NPAS2: variants seen among roughly 807,000 people sequenced by gnomAD.
NPAS2 encodes neuronal PAS domain protein 2.
A neutral mutation model predicts 107.5 loss-of-function variants in NPAS2; 23 were observed. That is an observed-to-expected ratio of 0.21 (90% CI 0.15 to 0.30). The LOEUF (loss-of-function observed/expected upper bound fraction) is 0.30, where lower values mean the gene tolerates loss of function less well. Among genes scored for constraint, NPAS2 ranks in the 10% least tolerant of loss-of-function variants. The pLI, the probability that NPAS2 is intolerant of heterozygous loss-of-function variation, is 1.00. For synonymous variants in NPAS2, 403 were observed against 417.5 expected, an observed-to-expected ratio of 0.97 and a Z score of 0.42; for missense variants, 756 against 1,043.3, an observed-to-expected ratio of 0.72 and a Z score of 3.79.
chr2:100,903,306 C>T (rs1368901451), intron 1 of NPAS2, among the ~76,000 whole-genome samples: 1 of 152,214 alleles, frequency 6.6e-6, no homozygotes, highest in Non-Finnish European at 1.5e-5. Context: ...AAACATTAAG[C>T]ACAGGCCTGT....
chr2:100,859,093 T>C (rs1448474472), intron 1 of NPAS2, among the ~76,000 whole-genome samples: 5 of 152,188 alleles, frequency 3.3e-5, no homozygotes, highest in Admixed American at 3.3e-4. Context: ...GGCGAAACCC[T>C]GTATCTACAA....
chr2:100,982,516 G>A lies in NPAS2; in HGVS notation c.1629+139G>A, dbSNP rs571454508. On this transcript the variant is annotated intron_variant, in intron 16 of 20. Transcript: ENST00000335681. ...CCCCATTTGCTTATGAAAGCATATT[G>A]CAGTCTCTGCAAAGGACAAGGAACA... 2.7e-4 allele frequency: 262 copies of A among 963,540 alleles called. No homozygotes were observed. The African/African-American group carries it at 3.9e-3, about 14-fold the overall frequency. 59.7% of individuals were successfully genotyped at this position (963,540 alleles called of 1,614,324 possible).
chr2:100,832,944 T>C (rs1485575480), intron 1 of NPAS2, among the ~76,000 whole-genome samples: 2 of 152,208 alleles, frequency 1.3e-5, no homozygotes, highest in African/African-American at 4.8e-5. Context: ...ATTTTGTACT[T>C]CTTTGGGTGG....
chr2:100,891,469 C>A (rs1054105373), intron 1 of NPAS2, among the ~76,000 whole-genome samples: 1 of 152,168 alleles, frequency 6.6e-6, no homozygotes, highest in South Asian at 2.1e-4. Context: ...CCATTTCTGA[C>A]CGCTGTGCTG....
At chr2:100,826,440 C>G (rs1676385003) in intron 1 of NPAS2, among the ~76,000 whole-genome samples, 1 of 151,710 alleles carries the variant, frequency 6.6e-6, no homozygotes, top group Non-Finnish European at 1.5e-5. Context: ...GACTTTGTCT[C>G]AAAAAAATAA....
chr2:100,924,713 G>A (rs1037099845), intron 2 of NPAS2, among the ~76,000 whole-genome samples: 1 of 149,290 alleles, frequency 6.7e-6, no homozygotes, highest in Admixed American at 6.7e-5. Flanking sequence ...GGTGGCACAC[G>A]GGATACCTGG....
intron 1 of NPAS2, among the ~76,000 whole-genome samples, chr2:100,883,840 C>T (rs58871988): frequency 0.067 from 10,212 of 152,238 alleles, 755 homozygotes; most frequent in East Asian, 0.35. Flanking sequence ...CCCGAGGCCA[C>T]CTACCTGGTC....
chr2:100,930,790 T>C (rs3768981), intron 3 of NPAS2, among the ~76,000 whole-genome samples: 59,840 of 151,976 alleles, frequency 0.39, 11,904 homozygotes, highest in Non-Finnish European at 0.42. Flanking sequence ...GAAATGGGTA[T>C]TTCATTTTCC....
At chr2:100,840,580 A>G (rs957426222) in intron 1 of NPAS2, among the ~76,000 whole-genome samples, 2 of 151,230 alleles carry the variant, frequency 1.3e-5, no homozygotes, top group Non-Finnish European at 2.9e-5. Context: ...TATACCCTGG[A>G]CAATCTTCTC....
intron 4 of NPAS2, among the ~76,000 whole-genome samples, 186 bp downstream of exon 4, chr2:100,933,187 A>G (rs541817362): frequency 2.6e-5 from 4 of 152,090 alleles, no homozygotes; most frequent in Non-Finnish European, 5.9e-5. Context: ...AAGAATCCCA[A>G]AATTGAATGT....
chr2:100,848,920 C>A (rs1217589843), intron 1 of NPAS2, among the ~76,000 whole-genome samples: 1 of 152,264 alleles, frequency 6.6e-6, no homozygotes, highest in Non-Finnish European at 1.5e-5. Flanking sequence ...CCCCAAATCC[C>A]TGCCGTGGGG....
chr2:100,838,331 G>A (rs911233715), intron 1 of NPAS2, among the ~76,000 whole-genome samples: 1 of 152,106 alleles, frequency 6.6e-6, no homozygotes, highest in South Asian at 2.1e-4. Context: ...AGGCTGGAGT[G>A]TAGTGGTGCA....
chr2:100,932,765 G>C, intron 3 of NPAS2, 145 bp from the exon 4 acceptor site: 2 of 623,458 alleles, frequency 3.2e-6, no homozygotes, highest in Admixed American at 5.4e-5. Flanking sequence ...GGAAATCAGG[G>C]TAACATATTT....
At chr2:100,849,659 T>C (rs1474008975) in intron 1 of NPAS2, among the ~76,000 whole-genome samples, 1 of 152,204 alleles carries the variant, frequency 6.6e-6, no homozygotes, top group Non-Finnish European at 1.5e-5. Flanking sequence ...ATTTGAATTG[T>C]TACATTCTTT....
At chr2:100,893,879 T>G (rs529308057) in intron 1 of NPAS2, among the ~76,000 whole-genome samples, 1 of 152,198 alleles carries the variant, frequency 6.6e-6, no homozygotes, top group Non-Finnish European at 1.5e-5. Context: ...AGTTACCAGG[T>G]GGCCCTTTGG....
intron 7 of NPAS2, among the ~76,000 whole-genome samples, chr2:100,951,072 C>G (rs1445888295): frequency 6.6e-6 from 1 of 152,102 alleles, no homozygotes; most frequent in Non-Finnish European, 1.5e-5. Flanking sequence ...AAGAGTCTAG[C>G]TCAGGAGATG....
At chr2:100,969,010 T>G (rs1676392934) in intron 11 of NPAS2, among the ~76,000 whole-genome samples, 1 of 151,962 alleles carries the variant, frequency 6.6e-6, no homozygotes, top group Non-Finnish European at 1.5e-5. Context: ...ATGCCCAGGG[T>G]TTCATAGATG....
intron 1 of NPAS2, among the ~76,000 whole-genome samples, chr2:100,882,720 G>A (rs548884622): frequency 4.6e-5 from 7 of 152,316 alleles, no homozygotes; most frequent in South Asian, 2.1e-4. Flanking sequence ...AAAGCAAGGC[G>A]GCCCACTAGA....
intron 1 of NPAS2, among the ~76,000 whole-genome samples, chr2:100,876,788 G>A (rs1269328311): frequency 1.3e-5 from 2 of 152,162 alleles, no homozygotes. Flanking sequence ...TGCACACCAA[G>A]CTCCTAGGGA....
Sources: gnomAD v4.1 joint callset for allele counts (sites outside exome capture counted in the v4.1 genomes callset) on GRCh38, gnomAD v4.1.1 for gene constraint, MANE v1.5 for transcripts, NCBI Gene and HGNC (gene_info 2026-07-23, HGNC 2026-07-21) for gene names.